CDH23: variants seen among roughly 807,000 people sequenced by gnomAD.
CDH23 encodes cadherin related 23.
Under a neutral mutation model 317.1 loss-of-function variants are expected in CDH23, and 189 were observed. The ratio of observed to expected loss-of-function variants is 0.60; its 90% CI spans 0.53 to 0.67. The LOEUF (loss-of-function observed/expected upper bound fraction) is 0.67. Ranked by LOEUF, CDH23 falls within the 30% of genes least tolerant of loss-of-function variation. The pLI, the probability that CDH23 is intolerant of heterozygous loss-of-function variation, is 0.00. For synonymous variants in CDH23, 1,839 were observed against 1,876.8 expected (o/e 0.98, Z 0.52); for missense variants, 4,401 against 4,592.4 (o/e 0.96, Z 1.20).
chr10:71,785,160 G>A (rs1427537225), intron 43 of CDH23, 60 bp downstream of exon 43: 3 of 1,426,010 alleles, frequency 2.1e-6, no homozygotes, highest in African/African-American at 2.8e-5. Context: ...AGAGGACCCT[G>A]CCCTAGAGGC....
intron 11 of CDH23, among the ~76,000 whole-genome samples, chr10:71,618,146 G>A (rs1020512608): frequency 2.0e-5 from 3 of 152,120 alleles, no homozygotes; most frequent in Non-Finnish European, 4.4e-5. Context: ...GTGTAATAAT[G>A]ACCCCAGCTT....
At chr10:71,471,628 G>A (rs987022319) in intron 3 of CDH23, among the ~76,000 whole-genome samples, 6 of 152,090 alleles carry the variant, frequency 3.9e-5, no homozygotes, top group Non-Finnish European at 7.4e-5. Flanking sequence ...GAGGGCCAGC[G>A]CCACCCCCAT....
intron 41 of CDH23, among the ~76,000 whole-genome samples, chr10:71,782,017 G>A (rs1312834163): frequency 6.6e-6 from 1 of 152,216 alleles, no homozygotes; most frequent in Non-Finnish European, 1.5e-5. Context: ...GTGCACCACT[G>A]CATGGAGGGA....
chr10:71,672,501 C>T (rs750174066), intron 14 of CDH23, among the ~76,000 whole-genome samples: 6 of 152,152 alleles, frequency 3.9e-5, no homozygotes, highest in Non-Finnish European at 8.8e-5. Flanking sequence ...TCCCTCTCCT[C>T]CTCACCCAGG....
At chr10:71,419,697 TCAGAC>T (rs1848667939) in intron 1 of CDH23, among the ~76,000 whole-genome samples, 1 of 152,330 alleles carries the variant, frequency 6.6e-6, no homozygotes, top group South Asian at 2.1e-4. Context: ...CATCCTTCCA[TCAGAC>T]CATTGTTTTG....
chr10:71,404,678 G>A (rs1395225208), intron 1 of CDH23, among the ~76,000 whole-genome samples: 1 of 152,244 alleles, frequency 6.6e-6, no homozygotes, highest in Non-Finnish European at 1.5e-5. Context: ...GGGCGGGCAT[G>A]CCTTGTCTTT....
intron 22 of CDH23, among the ~76,000 whole-genome samples, chr10:71,700,609 C>T (rs1865544792): frequency 6.6e-6 from 1 of 152,214 alleles, no homozygotes; most frequent in Non-Finnish European, 1.5e-5. Context: ...GATAAGGACA[C>T]CTCAGACCTG....
intron 34 of CDH23, among the ~76,000 whole-genome samples, chr10:71,735,574 G>T (rs1000651671): frequency 2.6e-5 from 4 of 152,186 alleles, no homozygotes; most frequent in Non-Finnish European, 2.9e-5. Context: ...ACCACCTGGG[G>T]CATCAGGCTC....
rs1223110847 is a variant in CDH23 at position 71,669,159 on chromosome 10, G to A, written c.1450-5953G>A. 3.3e-5 allele frequency among the ~76,000 whole-genome samples: 5 copies of A among 152,296 alleles called. No individual in the cohort carries two copies. The East Asian group carries it at 9.6e-4, about 29-fold the overall frequency. On this transcript the variant is annotated intron_variant, in intron 14 of 69. Transcript: ENST00000224721. ...TTCCCCTGATGGTTCTGCTGAGGGA[G>A]GCTGATGGGGAGGCAGAGGCTTCCT...
At chr10:71,582,137 G>A (rs1858683065) in intron 9 of CDH23, among the ~76,000 whole-genome samples, 1 of 152,202 alleles carries the variant, frequency 6.6e-6, no homozygotes, top group Non-Finnish European at 1.5e-5. Context: ...GGGTCCTTGG[G>A]ACTCATTCAT....
intron 6 of CDH23, among the ~76,000 whole-genome samples, chr10:71,516,714 G>A (rs754602783): frequency 5.9e-5 from 9 of 152,166 alleles, no homozygotes; most frequent in Non-Finnish European, 1.3e-4. Context: ...ACTGAAGTAG[G>A]ACAGTTACAT....
At chr10:71,625,405 A>C (rs1861673965) in intron 11 of CDH23, among the ~76,000 whole-genome samples, 1 of 132,796 alleles carries the variant, frequency 7.5e-6, no homozygotes, top group Admixed American at 7.3e-5. Flanking sequence ...TTAAAAAAAA[A>C]AAAAAAAAAA....
chr10:71,629,008 G>A (rs1240490676), intron 11 of CDH23, among the ~76,000 whole-genome samples: 1 of 152,222 alleles, frequency 6.6e-6, no homozygotes, highest in East Asian at 1.9e-4. Context: ...GGTGGCTAGC[G>A]AAGCACACAG....
In CDH23 at chr10:71,699,112, T is replaced by C. The variant is rs182252064; in HGVS notation, c.2398-2910T>C. Among the ~76,000 whole-genome samples the C allele has an allele frequency of 2.7e-3, 404 of 152,386 alleles. 3 individuals are homozygous for C. Among genetic ancestry groups the C allele is most frequent in the African/African-American group, 9.3e-3 (388 of 41,592 alleles). On this transcript the variant is annotated intron_variant, in intron 22 of 69. Transcript: ENST00000224721. ...CATTACCATCATCTGCTTCCTTTGC[T>C]GGAATCGCACTTGTCTTGTTCACTG...
At chr10:71,753,088 A>C in intron 38 of CDH23, 1 of 1,509,640 alleles carries the variant, frequency 6.6e-7, no homozygotes, top group Non-Finnish European at 9.0e-7. Flanking sequence ...GATGCCCTGC[A>C]GGGAACAGGA....
intron 3 of CDH23, among the ~76,000 whole-genome samples, chr10:71,490,766 T>C (rs1852610783): frequency 3.3e-5 from 5 of 152,224 alleles, no homozygotes; most frequent in Admixed American, 3.3e-4. Context: ...TTTACATGTA[T>C]TAATTCTCAC....
chr10:71,566,759 G>A lies in CDH23; in HGVS notation c.447G>A (p.Thr149=), dbSNP rs577360130. The change falls in exon 7 of 70, where the codon ACG becomes ACA. Residue 149 remains threonine (T), a synonymous_variant. Transcript: ENST00000224721. ...ATCCCCAGAATACACCAGTGGGGAC[G>A]CCCATCTTCATCGTGAATGCCACAG... ...VRIPENTPVG[T]PIFIVNATDP... is the part of the protein sequence containing the mutation. 12 of 1,606,622 alleles carry A rather than the reference G, an allele frequency of 7.5e-6. No homozygotes were observed. The highest frequency in any genetic ancestry group is 1.3e-5 in the African/African-American group (1 of 74,828).
intron 38 of CDH23, among the ~76,000 whole-genome samples, chr10:71,758,857 T>C (rs1367488408): frequency 6.6e-6 from 1 of 152,058 alleles, no homozygotes; most frequent in Non-Finnish European, 1.5e-5. Context: ...CGAGAGTGCA[T>C]CTCTACCAAA....
In CDH23 at chr10:71,550,203, G is replaced by A. The variant is rs114665072; in HGVS notation, c.430-16539G>A. On this transcript the variant is annotated intron_variant, in intron 6 of 69. Coordinates refer to ENST00000224721, the MANE Select transcript of CDH23 (RefSeq NM_022124.6). Reference sequence around the variant, plus strand: ...GTGAGGGCTGAAGAGGAGAAAGTACGTAAAACTTCTAGTACAGCCTTGGTC... The same window carrying A: ...GTGAGGGCTGAAGAGGAGAAAGTACATAAAACTTCTAGTACAGCCTTGGTC... Among the ~76,000 whole-genome samples, 699 of 152,224 alleles carry A rather than the reference G, an allele frequency of 4.6e-3. 4 individuals are homozygous for A. The highest frequency in any genetic ancestry group is 0.015 in the African/African-American group (638 of 41,524).
Sources: allele counts gnomAD v4.1 joint callset (sites outside exome capture counted in the v4.1 genomes callset), GRCh38; gene constraint gnomAD v4.1.1; transcripts MANE v1.5; gene names NCBI Gene and HGNC (gene_info 2026-07-23, HGNC 2026-07-21).